ITGBL1: variants seen among roughly 807,000 people sequenced by gnomAD.
The protein encoded by ITGBL1 is integrin beta-like protein 1.
In ITGBL1, 51 loss-of-function variants were observed where a neutral mutation model predicts 68.5. That is an observed-to-expected ratio of 0.74 (90% CI 0.59 to 0.94). The LOEUF is 0.94. ITGBL1 is among the 40% of genes least tolerant of loss of function. ITGBL1 has a pLI of 0.00. For synonymous variants in ITGBL1, 209 were observed against 227.3 expected (o/e 0.92, Z 0.72); for missense variants, 649 against 647.4 (o/e 1.00, Z -0.03).
intron 2 of ITGBL1, among the ~76,000 whole-genome samples, chr13:101,460,039 G>T (rs1250725625): frequency 6.6e-6 from 1 of 151,920 alleles, no homozygotes; most frequent in Admixed American, 6.6e-5. Flanking sequence ...ATTGTTGAAC[G>T]ATCTCCCTCC....
chr13:101,612,895 C>T (rs528197847), intron 7 of ITGBL1, among the ~76,000 whole-genome samples: 1 of 152,250 alleles, frequency 6.6e-6, no homozygotes, highest in Non-Finnish European at 1.5e-5. Flanking sequence ...ATGCTGCCAA[C>T]ACCGTGCCTT....
chr13:101,589,418 C>T (rs16959141), intron 6 of ITGBL1, among the ~76,000 whole-genome samples: 4 of 152,288 alleles, frequency 2.6e-5, no homozygotes, highest in South Asian at 2.1e-4. Context: ...ACCATACATT[C>T]GCTGACTTTC....
intron 2 of ITGBL1, among the ~76,000 whole-genome samples, chr13:101,461,653 C>T (rs958864639): frequency 7.9e-5 from 12 of 152,070 alleles, no homozygotes; most frequent in Non-Finnish European, 1.5e-4. Flanking sequence ...TATGATCAGG[C>T]CACTGCACTC....
chr13:101,684,848 T>G (rs1441502098), intron 7 of ITGBL1, among the ~76,000 whole-genome samples: 1 of 151,988 alleles, frequency 6.6e-6, no homozygotes, highest in Non-Finnish European at 1.5e-5. Context: ...TGCATATCCT[T>G]TAACATTTTT....
intron 2 of ITGBL1, among the ~76,000 whole-genome samples, chr13:101,457,010 A>G (rs1249936796): frequency 6.6e-6 from 1 of 152,200 alleles, no homozygotes; most frequent in Non-Finnish European, 1.5e-5. Flanking sequence ...TTACTTAAAC[A>G]TTCTGAGCCT....
intron 9 of ITGBL1, chr13:101,710,934 G>A (rs1057105815): frequency 3.9e-5 from 6 of 152,200 alleles, no homozygotes; most frequent in African/African-American, 1.4e-4. Flanking sequence ...GTACAATAGT[G>A]AAAACTGCCT....
At chr13:101,711,423 G>T (rs71441523) in intron 9 of ITGBL1, 24,611 of 152,322 alleles carry the variant, frequency 0.16, 2,382 homozygotes, top group Non-Finnish European at 0.22. Flanking sequence ...AAGAGTGAAA[G>T]ATGCTTCACA....
intron 3 of ITGBL1, among the ~76,000 whole-genome samples, chr13:101,569,588 C>A (rs373243015): frequency 1.3e-5 from 2 of 152,100 alleles, no homozygotes; most frequent in Non-Finnish European, 2.9e-5. Context: ...ATGTTTATAT[C>A]TCTCTTTAGT....
chr13:101,589,055 C>G (rs569804279), intron 6 of ITGBL1, among the ~76,000 whole-genome samples: 120 of 152,270 alleles, frequency 7.9e-4, no homozygotes, highest in African/African-American at 2.9e-3. Context: ...AGTGGTATCT[C>G]TAATATTCTA....
intron 2 of ITGBL1, among the ~76,000 whole-genome samples, chr13:101,514,527 A>G (rs564227942): frequency 6.6e-6 from 1 of 152,106 alleles, no homozygotes; most frequent in Non-Finnish European, 1.5e-5. Flanking sequence ...CTTTAATGTC[A>G]TTTGTGTAGT....
intron 2 of ITGBL1, among the ~76,000 whole-genome samples, chr13:101,461,785 C>T (rs527300820): frequency 5.9e-4 from 90 of 152,240 alleles, no homozygotes; most frequent in African/African-American, 1.9e-3. Flanking sequence ...TGAAGTAAGA[C>T]GAGACATTTT....
rs146809137 is a variant in ITGBL1, at chr13:101,583,240, C to T, written c.752C>T (p.Thr251Ile). The change falls in exon 6 of 11, where the codon ACC becomes ATC. Residue 251 changes from threonine to isoleucine, a missense_variant. Transcript: ENST00000376180. ...NRGTCVCGEC[T>I]CHDVDPTGDW... is the part of the protein sequence containing the mutation. ...GGGACTTGTGTATGTGGTGAATGTA[C>T]CTGTCACGATGTTGATCCGACTGGG... 133 of 1,613,050 alleles carry T rather than the reference C, an allele frequency of 8.2e-5. 1 individual carries two copies. The highest frequency in any genetic ancestry group is 3.5e-4 in the South Asian group (32 of 91,028).
intron 2 of ITGBL1, among the ~76,000 whole-genome samples, chr13:101,549,031 C>A (rs1594883635): frequency 6.6e-6 from 1 of 151,738 alleles, no homozygotes; most frequent in East Asian, 1.9e-4. Flanking sequence ...GGCAGTCACA[C>A]ATGAATTCAC....
At chr13:101,598,123 T>C (rs1002537017) in intron 6 of ITGBL1, 30 bp from the exon 7 acceptor site, 7 of 1,569,402 alleles carry the variant, frequency 4.5e-6, no homozygotes, top group Non-Finnish European at 6.0e-6. Context: ...TTTATGTACA[T>C]TTTTATTTTT....
chr13:101,703,926 C>G (rs1365158257), intron 8 of ITGBL1, among the ~76,000 whole-genome samples: 2 of 152,108 alleles, frequency 1.3e-5, no homozygotes, highest in Non-Finnish European at 2.9e-5. Flanking sequence ...TGAAACTAAT[C>G]TAAATAAGTA....
At chr13:101,611,915 T>A (rs897877277) in intron 7 of ITGBL1, among the ~76,000 whole-genome samples, 2 of 152,184 alleles carry the variant, frequency 1.3e-5, no homozygotes. Context: ...AAGATCTGAC[T>A]AACTACGTCT....
At chr13:101,640,484 A>G (rs1418919002) in intron 7 of ITGBL1, among the ~76,000 whole-genome samples, 1 of 152,116 alleles carries the variant, frequency 6.6e-6, no homozygotes, top group Non-Finnish European at 1.5e-5. Context: ...ATTTTTTACT[A>G]CCTGAAATCT....
intron 8 of ITGBL1, among the ~76,000 whole-genome samples, chr13:101,706,294 A>G (rs1004767441): frequency 3.3e-5 from 5 of 152,342 alleles, no homozygotes; most frequent in Non-Finnish European, 7.3e-5. Flanking sequence ...AAACTAATAT[A>G]GTACCAAATG....
intron 7 of ITGBL1, among the ~76,000 whole-genome samples, chr13:101,664,368 T>G (rs890738463): frequency 6.6e-6 from 1 of 152,210 alleles, no homozygotes. Flanking sequence ...ATGTATTATT[T>G]TGGGAAATCT....
Sources: allele counts gnomAD v4.1 joint callset (sites outside exome capture counted in the v4.1 genomes callset), GRCh38; gene constraint gnomAD v4.1.1; transcripts MANE v1.5; gene names NCBI Gene and HGNC (gene_info 2026-07-23, HGNC 2026-07-21).